The following NHEJ1 variants were observed in gnomAD, a reference collection of about 807,000 sequenced individuals.
NHEJ1 encodes non-homologous end-joining factor 1.
Under a neutral mutation model 39.4 loss-of-function variants are expected in NHEJ1, and 22 were observed. That is an observed-to-expected ratio of 0.56 (90% confidence interval 0.40 to 0.80). The LOEUF (loss-of-function observed/expected upper bound fraction) is 0.80, where lower values mean the gene tolerates loss of function less well. Among genes scored for constraint, NHEJ1 ranks in the 30% least tolerant of loss-of-function variants. The probability of loss-of-function intolerance (pLI) is 0.00; values close to 1 mark genes in which losing one functional copy is unlikely to be tolerated. For synonymous variants in NHEJ1, 154 were observed against 135.6 expected, an observed-to-expected ratio of 1.14 and a Z score of -0.94; for missense variants, 329 against 357.1, an observed-to-expected ratio of 0.92 and a Z score of 0.63.
chr2:219,076,557 CTTTTTTTTTT>C lies in NHEJ1; in HGVS notation c.826-112_826-103del, dbSNP rs778354452. On this transcript the variant is annotated intron_variant, in intron 7 of 7. Coordinates refer to ENST00000356853, the MANE Select transcript of NHEJ1 (RefSeq NM_024782.3). ...TCATGGCTCCTGGTTAGGATGAGGC[CTTTTTTTTTT>C]TTTTTTTTTTTTTCCACCCAGGCTG... 7.3e-3 allele frequency: 3,343 copies of C among 457,698 alleles called. 87 individuals carry two copies. The highest frequency in any genetic ancestry group is 0.071 in the African/African-American group (2,970 of 41,604). The allele number at this position is 457,698 out of a possible 1,614,324, so 28.4% of individuals were successfully genotyped here.
At chr2:219,159,590 TATATATATATGC>T (rs1949906969) in intron 1 of NHEJ1, among the ~76,000 whole-genome samples, 2 of 102,204 alleles carry the variant, frequency 2.0e-5, no homozygotes, top group African/African-American at 8.1e-5. Flanking sequence ...TATATATGCA[TATATATATATGC>T]ATATATATAC....
At chr2:219,100,955 C>T (rs904510728) in intron 5 of NHEJ1, among the ~76,000 whole-genome samples, 2 of 152,146 alleles carry the variant, frequency 1.3e-5, no homozygotes, top group African/African-American at 4.8e-5. Flanking sequence ...AACTCCAATC[C>T]CCCCCTCAGA....
intron 5 of NHEJ1, among the ~76,000 whole-genome samples, chr2:219,127,596 C>T (rs1464446205): frequency 6.6e-6 from 1 of 152,182 alleles, no homozygotes; most frequent in Non-Finnish European, 1.5e-5. Context: ...ATTTACTTTT[C>T]TCCTCAATCC....
At position 219,154,376 on chromosome 2, in the gene NHEJ1, A is replaced by G. The variant is rs562545564; in HGVS notation, c.390+3096T>C. Among the ~76,000 whole-genome samples the G allele has an allele frequency of 3.9e-5, 6 of 152,354 alleles. No individual in the cohort carries two copies. The South Asian group carries it at 1.2e-3, about 32-fold the overall frequency. The stretch of plus-strand genomic sequence containing the variant: ...AGCTGATATTGGTAGTTGCTTTGCA[A>G]AAGGAAAAGGAGGGACTAGGGAACG... On this transcript the variant is annotated intron_variant, in intron 3 of 7. Transcript: ENST00000356853.
chr2:219,089,456 C>A (rs1949141464), intron 5 of NHEJ1, among the ~76,000 whole-genome samples: 1 of 152,142 alleles, frequency 6.6e-6, no homozygotes, highest in African/African-American at 2.4e-5. Context: ...ACCTTGAGAA[C>A]ATAATGCTAA....
chr2:219,146,351 C>T (rs577969010), intron 5 of NHEJ1, among the ~76,000 whole-genome samples: 17 of 152,300 alleles, frequency 1.1e-4, no homozygotes, highest in East Asian at 7.7e-4. Context: ...CCAGACCTTA[C>T]GACCAGATCT....
intron 3 of NHEJ1, among the ~76,000 whole-genome samples, chr2:219,150,558 G>A (rs552152550): frequency 9.1e-4 from 138 of 152,286 alleles, no homozygotes; most frequent in African/African-American, 3.1e-3. Context: ...GGTGGCTCAC[G>A]CCTATAATCC....
chr2:219,157,173 T>C (rs1471858460), intron 3 of NHEJ1, among the ~76,000 whole-genome samples: 1 of 152,210 alleles, frequency 6.6e-6, no homozygotes, highest in Non-Finnish European at 1.5e-5. Context: ...CACTAGATTA[T>C]GAACTCCAGG....
At chr2:219,154,599 C>A (rs1454435370) in intron 3 of NHEJ1, among the ~76,000 whole-genome samples, 2 of 152,136 alleles carry the variant, frequency 1.3e-5, no homozygotes, top group East Asian at 3.8e-4. Flanking sequence ...TACCCGTGTC[C>A]ACTGGCTCTA....
At chr2:219,095,601 A>G (rs1949200916) in intron 5 of NHEJ1, among the ~76,000 whole-genome samples, 1 of 152,184 alleles carries the variant, frequency 6.6e-6, no homozygotes, top group African/African-American at 2.4e-5. Flanking sequence ...CACAGGGATG[A>G]GAGCTCACAG....
At position 219,137,570 on chromosome 2, in the gene NHEJ1, CAAAAAAAAAAAA is replaced by C. The variant is rs58279021; in HGVS notation, c.588+9098_588+9109del. On this transcript the variant is annotated intron_variant, in intron 5 of 7. Coordinates refer to ENST00000356853, the MANE Select transcript of NHEJ1 (RefSeq NM_024782.3). Reference sequence around the variant, plus strand: ...AATGGAGAAATAAATGTGTTACAGGCAAAAAAAAAAAAAAAAAAAAAACAAAAAAAACTGAAA... The same window carrying C: ...AATGGAGAAATAAATGTGTTACAGGCAAAAAAAAAACAAAAAAAACTGAAA... Among the ~76,000 whole-genome samples, 32 of 34,726 alleles carry C rather than the reference CAAAAAAAAAAAA, an allele frequency of 9.2e-4. 1 individual carries two copies. The South Asian group carries it at 0.011, about 12-fold the overall frequency. The allele number at this position is 34,726 out of a possible 152,430, so 22.8% of individuals were successfully genotyped here. A position where few individuals can be genotyped will look rare whatever the true frequency, so the allele number is the denominator to read the frequency against.
chr2:219,098,325 G>A (rs996210099), intron 5 of NHEJ1, among the ~76,000 whole-genome samples: 1 of 151,244 alleles, frequency 6.6e-6, no homozygotes, highest in African/African-American at 2.5e-5. Context: ...GGATTTTTAA[G>A]GTGGAAGAAT....
chr2:219,132,246 T>A (rs1479443784), intron 5 of NHEJ1, among the ~76,000 whole-genome samples: 3 of 152,228 alleles, frequency 2.0e-5, no homozygotes, highest in African/African-American at 7.2e-5. Context: ...AGATAGCTAA[T>A]CTTATCCATT....
intron 3 of NHEJ1, among the ~76,000 whole-genome samples, chr2:219,150,143 C>CG (rs1949781629): frequency 3.3e-5 from 5 of 152,224 alleles, no homozygotes; most frequent in African/African-American, 1.2e-4. Flanking sequence ...GTAAAATTTA[C>CG]TACTAAAAGT....
chr2:219,146,690 A>G lies in NHEJ1; in HGVS notation c.578T>C (p.Phe193Ser). 1 of 1,610,732 alleles carries G rather than the reference A, an allele frequency of 6.2e-7. No homozygotes were observed. Among genetic ancestry groups the G allele is most frequent in the Non-Finnish European group, 8.5e-7 (1 of 1,176,850 alleles). The change falls in exon 5 of 8, where the codon TTT becomes TCT. Residue 193 changes from phenylalanine (F) to serine (S), a missense_variant. Coordinates refer to ENST00000356853, the MANE Select transcript of NHEJ1 (RefSeq NM_024782.3). ...TGACAAATACCTTACCTCTATCATA[A>G]ATTGTTCCAAGAAGGAATTTTCTTC... ...PFEENSFLEQ[F>S]MIEKLPEACS... is the part of the protein sequence containing the mutation.
At chr2:219,099,698 G>GT (rs147713182) in intron 5 of NHEJ1, among the ~76,000 whole-genome samples, 3,733 of 152,236 alleles carry the variant, frequency 0.025, 158 homozygotes, top group African/African-American at 0.084. Context: ...ATACTCACTA[G>GT]TAAGAGGACT....
At chr2:219,089,832 A>AT (rs1949145517) in intron 5 of NHEJ1, among the ~76,000 whole-genome samples, 1 of 152,132 alleles carries the variant, frequency 6.6e-6, no homozygotes. Flanking sequence ...TCTCCACTCT[A>AT]TTTCCTCTTT....
chr2:219,069,547 C>T lies in NHEJ1; in HGVS notation c.*6834G>A, dbSNP rs1405521421. The T allele has an allele frequency of 6.6e-6, 1 of 152,110 alleles. No homozygotes were observed. Among genetic ancestry groups the T allele is most frequent in the Non-Finnish European group, 1.5e-5 (1 of 68,036 alleles). 9.4% of individuals were successfully genotyped at this position (152,110 alleles called of 1,614,324 possible). A position where few individuals can be genotyped will look rare whatever the true frequency, so the allele number is the denominator to read the frequency against. On this transcript the variant is annotated 3_prime_UTR_variant, in exon 8 of 8. Transcript: ENST00000356853. Reference sequence around the variant, plus strand: ...GGAGCTGAGCTTTCCACCAGAAAGACAACTTAGGAAATAGCTCCTGGCTGT... The same window carrying T: ...GGAGCTGAGCTTTCCACCAGAAAGATAACTTAGGAAATAGCTCCTGGCTGT...
intron 3 of NHEJ1, among the ~76,000 whole-genome samples, chr2:219,149,447 C>A (rs765205455): frequency 7.2e-5 from 11 of 151,904 alleles, no homozygotes; most frequent in Non-Finnish European, 1.3e-4. Context: ...GAAACCCAGT[C>A]TCTACAAAAA....
Sources: allele counts gnomAD v4.1 joint callset (sites outside exome capture counted in the v4.1 genomes callset), GRCh38; gene constraint gnomAD v4.1.1; transcripts MANE v1.5; gene names NCBI Gene and HGNC (gene_info 2026-07-23, HGNC 2026-07-21).